SUPT3H: variants seen among roughly 807,000 people sequenced by gnomAD.
SUPT3H encodes the protein transcription initiation protein SPT3 homolog.
A neutral mutation model predicts 44.3 loss-of-function variants in SUPT3H; 44 were observed. The observed-to-expected ratio is 0.99, with a 90% CI of 0.78 to 1.28. SUPT3H has a LOEUF of 1.28. Among genes scored for constraint, SUPT3H ranks in the 50% most tolerant of loss-of-function variants. The probability of loss-of-function intolerance (pLI) is 0.00; values close to 1 mark genes in which losing one functional copy is unlikely to be tolerated. For missense variants in SUPT3H, 380 were observed against 387.1 expected, an observed-to-expected ratio of 0.98 and a Z score of 0.15; for synonymous variants, 124 against 125.6, an observed-to-expected ratio of 0.99 and a Z score of 0.09.
In SUPT3H at chr6:45,234,473, G is replaced by A. The variant is rs184930102; in HGVS notation, c.102-128467C>T. ...TTGAACCCAGGAGGCAGAGGTTGCA[G>A]TGAGCCAAGACTGCACCACTGCACT... On this transcript the variant is annotated intron_variant, in intron 2 of 10. Coordinates refer to ENST00000371459, the MANE Select transcript of SUPT3H (RefSeq NM_003599.4). Among the ~76,000 whole-genome samples, 564 of 148,556 alleles carry A rather than the reference G, an allele frequency of 3.8e-3. 7 individuals carry two copies. The highest frequency in any genetic ancestry group is 0.013 in the African/African-American group (537 of 40,664).
chr6:44,871,157 A>G (rs989585655), intron 10 of SUPT3H, among the ~76,000 whole-genome samples: 84 of 150,228 alleles, frequency 5.6e-4, no homozygotes, highest in African/African-American at 1.8e-3. Flanking sequence ...CAGCTCAAGG[A>G]GGCCTGCCTG....
intron 2 of SUPT3H, among the ~76,000 whole-genome samples, chr6:45,354,780 G>A (rs778348566): frequency 5.9e-5 from 9 of 151,966 alleles, no homozygotes; most frequent in South Asian, 2.1e-4. Flanking sequence ...CAGGAGGATC[G>A]CTTGAGGCTA....
At chr6:44,956,159 C>T (rs1176162502) in intron 7 of SUPT3H, among the ~76,000 whole-genome samples, 1 of 149,016 alleles carries the variant, frequency 6.7e-6, no homozygotes, top group East Asian at 2.0e-4. Flanking sequence ...ACCACCGGTT[C>T]CCCAAAAAAC....
intron 6 of SUPT3H, among the ~76,000 whole-genome samples, chr6:44,977,084 A>T (rs896112389): frequency 2.6e-5 from 4 of 152,268 alleles, no homozygotes; most frequent in African/African-American, 4.8e-5. Flanking sequence ...CCTAGTTCAT[A>T]AGCAAGAAGC....
intron 2 of SUPT3H, among the ~76,000 whole-genome samples, chr6:45,161,822 T>C (rs1312472001): frequency 2.6e-5 from 4 of 152,184 alleles, no homozygotes; most frequent in Non-Finnish European, 5.9e-5. Flanking sequence ...ATGGCTTAAT[T>C]TAAACACTAT....
chr6:44,850,689 T>G (rs143987061), intron 10 of SUPT3H, among the ~76,000 whole-genome samples: 1 of 152,306 alleles, frequency 6.6e-6, no homozygotes, highest in East Asian at 1.9e-4. Context: ...ATTATTTTGT[T>G]CATTGTCAGT....
At chr6:44,962,556 GA>G (rs1267722171) in intron 6 of SUPT3H, among the ~76,000 whole-genome samples, 88 of 123,436 alleles carry the variant, frequency 7.1e-4, no homozygotes, top group Admixed American at 1.2e-3. Context: ...GCCCAGCGAA[GA>G]AAAAAAAAAA....
rs529502432 is a variant in SUPT3H at position 45,193,806 on chromosome 6, G to C, written c.102-87800C>G. ...CACACCAGGTTGTAACGTACATTAGGGATTAAATCCCAAAGATTGCAATAC... is the reference window on the plus strand; with the variant it reads ...CACACCAGGTTGTAACGTACATTAGCGATTAAATCCCAAAGATTGCAATAC... On this transcript the variant is annotated intron_variant, in intron 2 of 10. Coordinates refer to ENST00000371459, the MANE Select transcript of SUPT3H (RefSeq NM_003599.4). Among the ~76,000 whole-genome samples, 8 of 152,176 alleles carry C rather than the reference G, an allele frequency of 5.3e-5. No homozygotes were observed. In the East Asian group the frequency reaches 1.2e-3, roughly 22 times the overall value.
intron 2 of SUPT3H, among the ~76,000 whole-genome samples, chr6:45,309,018 G>T (rs981102562): frequency 2.0e-5 from 3 of 151,652 alleles, no homozygotes; most frequent in Non-Finnish European, 2.9e-5. Context: ...GCAAATTTTT[G>T]TTTTTCCTGA....
At chr6:45,184,331 C>CT (rs575725338) in intron 2 of SUPT3H, among the ~76,000 whole-genome samples, 26 of 152,118 alleles carry the variant, frequency 1.7e-4, no homozygotes, top group African/African-American at 3.9e-4. Context: ...CAAAGCACTC[C>CT]TTTTTTTATA....
At chr6:45,268,767 G>C (rs1247675732) in intron 2 of SUPT3H, among the ~76,000 whole-genome samples, 1 of 152,144 alleles carries the variant, frequency 6.6e-6, no homozygotes, top group Non-Finnish European at 1.5e-5. Flanking sequence ...AAGAATGTGT[G>C]ATAGTTTCTG....
At chr6:45,357,963 T>C (rs1472245891) in intron 2 of SUPT3H, among the ~76,000 whole-genome samples, 1 of 152,100 alleles carries the variant, frequency 6.6e-6, no homozygotes, top group Non-Finnish European at 1.5e-5. Flanking sequence ...TTATTATTCA[T>C]ACTTTCTAAA....
intron 2 of SUPT3H, among the ~76,000 whole-genome samples, chr6:45,177,131 C>T (rs59940433): frequency 2.6e-5 from 4 of 151,862 alleles, no homozygotes; most frequent in Non-Finnish European, 4.4e-5. Context: ...GAGCTACGGG[C>T]GGACATTCAA....
intron 3 of SUPT3H, among the ~76,000 whole-genome samples, chr6:45,027,298 A>T (rs937037060): frequency 3.3e-5 from 5 of 151,834 alleles, no homozygotes; most frequent in African/African-American, 1.2e-4. Context: ...CCCAGACTGG[A>T]TTGTTGTTTT....
Position 45,158,298 on chromosome 6 carries a change from A to ATATATATTTTTTTTTTT in SUPT3H, c.102-52293_102-52292insAAAAAAAAAAATATATA. Among the ~76,000 whole-genome samples, 21 of 99,686 alleles carry ATATATATTTTTTTTTTT rather than the reference A, an allele frequency of 2.1e-4. 2 individuals carry two copies. The highest frequency in any genetic ancestry group is 9.5e-4 in the African/African-American group (19 of 19,980). The allele number at this position is 99,686 out of a possible 152,430, so 65.4% of individuals were successfully genotyped here. A position where few individuals can be genotyped will look rare whatever the true frequency, so the allele number is the denominator to read the frequency against. ...TACATATATATATATATATATATAT[A>ATATATATTTTTTTTTTT]TTTTTTTTTTTTTTTTTTTGAGATG... On this transcript the variant is annotated intron_variant, in intron 2 of 10. Transcript: ENST00000371459.
downstream of SUPT3H, among the ~76,000 whole-genome samples, chr6:44,823,011 T>A (rs572336338): frequency 1.9e-4 from 28 of 149,134 alleles, no homozygotes; most frequent in Non-Finnish European, 3.6e-4. Context: ...CCAGCTACTC[T>A]GGAGGCTGAG....
chr6:44,936,043 A>C (rs1411075768), intron 9 of SUPT3H, among the ~76,000 whole-genome samples: 1 of 152,174 alleles, frequency 6.6e-6, no homozygotes, highest in African/African-American at 2.4e-5. Flanking sequence ...GTAAAATCTT[A>C]AGTCTTACAG....
rs1442864427 is a variant in SUPT3H, at chr6:44,966,771, C to G, written c.505-4943G>C. On this transcript the variant is annotated intron_variant, in intron 6 of 10. Transcript: ENST00000371459. ...ATTCCGTATAGTCATTAAACTATAA[C>G]AAAAAAGACATCATATCATTGTCAA... is the stretch of plus-strand genomic sequence containing the variant. Among the ~76,000 whole-genome samples the G allele has an allele frequency of 2.0e-5, 3 of 152,084 alleles. No homozygotes were observed. In the East Asian group the frequency reaches 5.8e-4, roughly 29 times the overall value.
chr6:44,884,931 T>A (rs1427536412), intron 10 of SUPT3H, among the ~76,000 whole-genome samples: 1 of 152,040 alleles, frequency 6.6e-6, no homozygotes, highest in East Asian at 1.9e-4. Context: ...GCTTTTCCAA[T>A]GGGCTTAAAA....
Sources: allele counts gnomAD v4.1 joint callset (sites outside exome capture counted in the v4.1 genomes callset), GRCh38; gene constraint gnomAD v4.1.1; transcripts MANE v1.5; gene names NCBI Gene and HGNC (gene_info 2026-07-23, HGNC 2026-07-21).